The following SLAMF7 variants were observed in gnomAD, a reference collection of about 807,000 sequenced individuals.
SLAMF7 encodes 19A24 protein.
Under a neutral mutation model 34.1 loss-of-function variants are expected in SLAMF7, and 26 were observed. The observed-to-expected ratio is 0.76, with a 90% CI of 0.56 to 1.06. SLAMF7 has a LOEUF of 1.06. Ranked by LOEUF, SLAMF7 falls within the 50% of genes least tolerant of loss-of-function variation. The pLI, the probability that SLAMF7 is intolerant of heterozygous loss-of-function variation, is 0.00. For missense variants in SLAMF7, 399 were observed against 402.5 expected (o/e 0.99, Z 0.07); for synonymous variants, 171 against 156.4 (o/e 1.09, Z -0.70).
chr1:160,750,184 A>C, intron 3 of SLAMF7, 91 bp downstream of exon 3: 1 of 1,575,864 alleles, frequency 6.3e-7, no homozygotes, highest in Non-Finnish European at 8.6e-7. Context: ...CACTGTATGG[A>C]AACTGGAGGC....
In SLAMF7 at chr1:160,749,881, T is replaced by G. The variant is rs1664417924; in HGVS notation, c.437T>G (p.Val146Gly). 6.2e-7 allele frequency: 1 copy of G among 1,613,872 alleles called. No individual in the cohort carries two copies. The highest frequency in any genetic ancestry group is 8.5e-7 in the Non-Finnish European group (1 of 1,179,896). ...CAGAGCAATAAGAATGGCACCTGTG[T>G]GACCAATCTGACATGCTGCATGGAA... ...GLQSNKNGTC[V>G]TNLTCCMEHG... is the part of the protein sequence containing the mutation. Residue 146 changes from valine (V) to glycine (G), a missense_variant, in exon 3 of 7, where the codon GTG becomes GGG. Transcript: ENST00000368043.
At position 160,748,491 on chromosome 1, in the gene SLAMF7, A is replaced by T; in HGVS notation, c.353A>T (p.Gln118Leu). 1 of 1,613,580 alleles carries T rather than the reference A, an allele frequency of 6.2e-7. No homozygotes were observed. The highest frequency in any genetic ancestry group is 8.5e-7 in the Non-Finnish European group (1 of 1,179,578). ...TCATCACTCCAGCAGCCCTCCACCC[A>T]GGAGTACGTGCTGCATGTCTACGGT... ...YSSSLQQPSTQEYVLHVYEHL... is the reference protein window; with the variant it reads ...YSSSLQQPSTLEYVLHVYEHL... Residue 118 changes from glutamine (Q) to leucine (L), a missense_variant, in exon 2 of 7, where the codon CAG (glutamine) becomes CTG (leucine). Gln to Leu is a moderately radical substitution (Grantham distance 113, BLOSUM62 -2). Coordinates refer to ENST00000368043, the MANE Select transcript of SLAMF7 (RefSeq NM_021181.5).
intron 1 of SLAMF7, among the ~76,000 whole-genome samples, chr1:160,741,750 C>T (rs1367701765): frequency 6.6e-6 from 1 of 152,184 alleles, no homozygotes; most frequent in African/African-American, 2.4e-5. Flanking sequence ...CCACAGCCTC[C>T]AAAGGTGGCG....
intron 4 of SLAMF7, 28 bp downstream of exon 4, chr1:160,750,451 C>T (rs368313796): frequency 1.2e-6 from 2 of 1,606,802 alleles, no homozygotes; most frequent in Non-Finnish European, 1.7e-6. Context: ...TTTGTCCTCA[C>T]CCACATTCAT....
chr1:160,751,856 CTCTCTCTA>C (rs1436470470), intron 5 of SLAMF7: 411 of 45,506 alleles, frequency 9.0e-3, no homozygotes, highest in Non-Finnish European at 0.012. Context: ...CTCTCTCTCT[CTCTCTCTA>C]TATATATATA....
At chr1:160,745,267 G>A (rs1052486105) in intron 1 of SLAMF7, among the ~76,000 whole-genome samples, 4 of 152,150 alleles carry the variant, frequency 2.6e-5, no homozygotes, top group African/African-American at 7.2e-5. Flanking sequence ...TTGAGGGAAG[G>A]TCACCAGAGG....
chr1:160,743,096 C>T (rs1387284281), intron 1 of SLAMF7, among the ~76,000 whole-genome samples: 1 of 152,148 alleles, frequency 6.6e-6, no homozygotes, highest in African/African-American at 2.4e-5. Flanking sequence ...GGCCTCTAAT[C>T]CTGTGGACCA....
intron 3 of SLAMF7, 61 bp from the exon 4 acceptor site, chr1:160,750,243 C>T: frequency 6.3e-7 from 1 of 1,596,814 alleles, no homozygotes; most frequent in Non-Finnish European, 8.5e-7. Context: ...GCTCCAAGAC[C>T]TGGGTCGTTT....
At chr1:160,747,291 A>G (rs1318757722) in intron 1 of SLAMF7, among the ~76,000 whole-genome samples, 2 of 152,154 alleles carry the variant, frequency 1.3e-5, no homozygotes, top group Admixed American at 6.5e-5. Context: ...GCCTCTTACT[A>G]GGTGGCTTGA....
At chr1:160,752,303 TC>T (rs753089422) in intron 6 of SLAMF7, 55 bp downstream of exon 6, 1 of 1,479,680 alleles carries the variant, frequency 6.8e-7, no homozygotes, top group Non-Finnish European at 9.4e-7. Context: ...TTTTCCTGCT[TC>T]ATGTTTAGGT....
rs1320098477 is a variant in SLAMF7, at chr1:160,748,343, A to C, written c.205A>C (p.Thr69Pro). The stretch of plus-strand genomic sequence containing the variant: ...TGTCACCATACAGCCAGAAGGGGGC[A>C]CTATCATAGTGACCCAAAATCGTAA... The part of the protein sequence containing the change: ...PLVTIQPEGG[T>P]IIVTQNRNRE... The change falls in exon 2 of 7, where the codon ACT becomes CCT. Residue 69 changes from threonine to proline, a missense_variant. Transcript: ENST00000368043. 6.2e-7 allele frequency: 1 copy of C among 1,614,100 alleles called. No individual in the cohort carries two copies. Among genetic ancestry groups the C allele is most frequent in the Non-Finnish European group, 8.5e-7 (1 of 1,179,972 alleles).
At chr1:160,743,390 G>A (rs1415889813) in intron 1 of SLAMF7, among the ~76,000 whole-genome samples, 1 of 152,140 alleles carries the variant, frequency 6.6e-6, no homozygotes, top group East Asian at 1.9e-4. Flanking sequence ...TTTGTGTGGT[G>A]GCCACATGTG....
At chr1:160,748,146 G>T in intron 1 of SLAMF7, 48 bp from the exon 2 acceptor site, 2 of 1,577,054 alleles carry the variant, frequency 1.3e-6, no homozygotes, top group South Asian at 2.3e-5. Flanking sequence ...AGTAATTGGT[G>T]ACAAGGACAG....
Position 160,748,195 on chromosome 1 carries a change from G to T in SLAMF7, c.57G>T (p.Gly19=), listed in dbSNP as rs140673004. The change falls in exon 2 of 7, where the codon GGG becomes GGT. Residue 19 remains glycine, a splice_region_variant and synonymous_variant. Transcript: ENST00000368043. ...TLIYILWQLT[G]SAASGPVKEL... ...TTTTATGGTTCTCTGTGTTTATAGG[G>T]TCAGCAGCCTCTGGACCCGTGAAAG... 14 of 1,613,502 alleles carry T rather than the reference G, an allele frequency of 8.7e-6. No homozygotes were observed. The African/African-American group carries it at 1.6e-4, about 18-fold the overall frequency.
chr1:160,739,464 T>C (rs1047581852), intron 1 of SLAMF7, 108 bp downstream of exon 1: 13 of 903,550 alleles, frequency 1.4e-5, no homozygotes, highest in Non-Finnish European at 1.9e-5. Flanking sequence ...GGCTCTGTGT[T>C]CTCATCTAAC....
intron 1 of SLAMF7, 139 bp downstream of exon 1, chr1:160,739,495 T>G (rs1006403267): frequency 1.1e-5 from 8 of 698,912 alleles, no homozygotes; most frequent in Non-Finnish European, 1.9e-5. Context: ...TATCAATCTC[T>G]GATCTCTGAT....
intron 4 of SLAMF7, 189 bp downstream of exon 4, chr1:160,750,612 A>T: frequency 1.6e-6 from 1 of 606,086 alleles, no homozygotes; most frequent in Non-Finnish European, 2.8e-6. Context: ...GAGTAGAGAA[A>T]GTGCTGGAGG....
chr1:160,742,420 A>C (rs1188870805), intron 1 of SLAMF7, among the ~76,000 whole-genome samples: 1 of 152,126 alleles, frequency 6.6e-6, no homozygotes, highest in Non-Finnish European at 1.5e-5. Context: ...GAAGCCATCC[A>C]AAGGTGTTTT....
chr1:160,750,412 A>G lies in SLAMF7; in HGVS notation c.758A>G (p.Glu253Gly). Residue 253 changes from glutamate to glycine, a missense_variant, in exon 4 of 7, where the codon GAG becomes GGG. Physicochemically the swap from Glu to Gly is moderately conservative, Grantham distance 98 (BLOSUM62 -2). Transcript: ENST00000368043. Reference sequence around the variant, plus strand: ...CTATTTCTTTGGTTTCTGAAGAGAGAGAGACAAGAAGGTAGAGCGTGTACT... The same window carrying G: ...CTATTTCTTTGGTTTCTGAAGAGAGGGAGACAAGAAGGTAGAGCGTGTACT... ...LGLFLWFLKR[E>G]RQEEYIEEKK... is the part of the protein sequence containing the mutation. 1 of 1,613,734 alleles carries G rather than the reference A, an allele frequency of 6.2e-7. No homozygotes were observed. Among genetic ancestry groups the G allele is most frequent in the African/African-American group, 1.3e-5 (1 of 75,010 alleles).
Sources: allele counts gnomAD v4.1 joint callset (sites outside exome capture counted in the v4.1 genomes callset), GRCh38; gene constraint gnomAD v4.1.1; transcripts MANE v1.5; gene names NCBI Gene and HGNC (gene_info 2026-07-23, HGNC 2026-07-21).